CHRNA1: variants seen among roughly 807,000 people sequenced by gnomAD.
CHRNA1 encodes the protein acetylcholine receptor subunit alpha.
Under a neutral mutation model 47.1 loss-of-function variants are expected in CHRNA1, and 35 were observed. That is an observed-to-expected ratio of 0.74 (90% CI 0.57 to 0.99). The LOEUF (loss-of-function observed/expected upper bound fraction) is 0.99, where lower values mean the gene tolerates loss of function less well. Ranked by LOEUF, CHRNA1 falls within the 50% of genes least tolerant of loss-of-function variation. The pLI is 0.00. For missense variants in CHRNA1, 506 were observed against 591.1 expected (o/e 0.86, Z 1.49); for synonymous variants, 229 against 223.6 (o/e 1.02, Z -0.22).
chr2:174,748,013 A>G lies in CHRNA1; in HGVS notation c.*111T>C. 7.5e-7 allele frequency: 1 copy of G among 1,331,966 alleles called. No homozygotes were observed. Among genetic ancestry groups the G allele is most frequent in the South Asian group, 1.2e-5 (1 of 81,914 alleles). The allele number at this position is 1,331,966 out of a possible 1,614,324, so 82.5% of individuals were successfully genotyped here. On this transcript the variant is annotated 3_prime_UTR_variant, in exon 9 of 9. Coordinates refer to ENST00000348749, the MANE Select transcript of CHRNA1 (RefSeq NM_000079.4). ...ATCTTATCATCAATAATAAGTATGGAATATAACACGTTTGATAAGTGCGAG... is the reference window on the plus strand; with the variant it reads ...ATCTTATCATCAATAATAAGTATGGGATATAACACGTTTGATAAGTGCGAG...
chr2:174,764,290 G>A (rs990589059), intron 1 of CHRNA1, 62 bp downstream of exon 1: 55 of 1,548,976 alleles, frequency 3.6e-5, no homozygotes, highest in Non-Finnish European at 4.8e-5. Context: ...TTTGATTTGG[G>A]GGCCTCCAGC....
chr2:174,749,818 TC>T (rs1683810177), intron 7 of CHRNA1, 127 bp downstream of exon 7: 1 of 807,210 alleles, frequency 1.2e-6, no homozygotes, highest in Admixed American at 2.2e-5. Flanking sequence ...TTCCAAAAAT[TC>T]CCTAAAGCCC....
intron 1 of CHRNA1, among the ~76,000 whole-genome samples, chr2:174,762,091 C>G (rs963825167): frequency 6.6e-6 from 1 of 152,186 alleles, no homozygotes; most frequent in Non-Finnish European, 1.5e-5. Flanking sequence ...ATTTCAGAGA[C>G]AGTCACCTCC....
In CHRNA1 at chr2:174,748,314, G is replaced by A. The variant is rs150587314; in HGVS notation, c.1243-59C>T. The A allele has an allele frequency of 2.5e-4, 395 of 1,609,992 alleles. 1 individual carries two copies. The highest frequency in any genetic ancestry group is 1.7e-4 in the Admixed American group (10 of 59,906). Reference sequence around the variant, plus strand: ...CTAAGGTGGTTTCTGGACTCACAACGTTTGTGCTTTGCATCAACTATGGGC... The same window carrying A: ...CTAAGGTGGTTTCTGGACTCACAACATTTGTGCTTTGCATCAACTATGGGC... On this transcript the variant is annotated intron_variant, in intron 8 of 8. Transcript: ENST00000348749.
At position 174,757,639 on chromosome 2, in the gene CHRNA1, C is replaced by T. The variant is rs1684008469; in HGVS notation, c.271G>A (p.Asp91Asn). 5 of 1,614,162 alleles carry T rather than the reference C, an allele frequency of 3.1e-6. No individual in the cohort carries two copies. The highest frequency in any genetic ancestry group is 1.6e-4 in the Middle Eastern group (1 of 6,062). Residue 91 changes from aspartate (D) to asparagine (N), a missense_variant, in exon 4 of 9, where the codon GAC becomes AAC. Physicochemically the swap from Asp to Asn is conservative, Grantham distance 23 (BLOSUM62 1). Coordinates refer to ENST00000348749, the MANE Select transcript of CHRNA1 (RefSeq NM_000079.4). ...TGAATTTTTTTCACACCGCCATAGTCATCTGGATTCCATTTTAGGTTGTAA... is the reference window on the plus strand; with the variant it reads ...TGAATTTTTTTCACACCGCCATAGTTATCTGGATTCCATTTTAGGTTGTAA... ...VDYNLKWNPDDYGGVKKIHIP... is the reference protein window; with the variant it reads ...VDYNLKWNPDNYGGVKKIHIP...
intron 1 of CHRNA1, 32 bp downstream of exon 1, chr2:174,764,320 G>A (rs776121177): frequency 3.7e-6 from 6 of 1,608,222 alleles, no homozygotes; most frequent in Non-Finnish European, 5.1e-6. Context: ...TCAAAGGAGA[G>A]CCCTCTCCCC....
intron 1 of CHRNA1, 80 bp from the exon 2 acceptor site, chr2:174,759,713 TGAGGCATAA>T: frequency 1.9e-6 from 3 of 1,578,016 alleles, no homozygotes; most frequent in South Asian, 1.1e-5. Flanking sequence ...ACTGAGGAAC[TGAGGCATAA>T]GCCTCAGTTC....
intron 4 of CHRNA1, among the ~76,000 whole-genome samples, chr2:174,756,160 A>T (rs566927409): frequency 1.4e-4 from 22 of 152,338 alleles, no homozygotes; most frequent in Non-Finnish European, 2.8e-4. Flanking sequence ...TTTTAAAAAG[A>T]CAGAAACCAT....
Position 174,764,462 on chromosome 2 carries a change from G to A in CHRNA1, c.-68C>T, listed in dbSNP as rs1223561340. 6.5e-6 allele frequency: 10 copies of A among 1,528,350 alleles called. No individual in the cohort carries two copies. Among genetic ancestry groups the A allele is most frequent in the Non-Finnish European group, 9.0e-6 (10 of 1,111,252 alleles). The allele number at this position is 1,528,350 out of a possible 1,614,324, so 94.7% of individuals were successfully genotyped here. A position where few individuals can be genotyped will look rare whatever the true frequency, so the allele number is the denominator to read the frequency against. On this transcript the variant is annotated 5_prime_UTR_variant, in exon 1 of 9. Transcript: ENST00000348749. ...GTGCTTCTCACTGGCACTCTGGCTG[G>A]GTGCTTGTCTGCTGGAGGGTTTGGA...
chr2:174,747,783 G>A lies in CHRNA1; in HGVS notation c.*341C>T, dbSNP rs1308051910. Reference sequence around the variant, plus strand: ...GTGGTCTCGTGGTTAGACAAAATAAGTAAATATATAAATATAACAGCAATG... The same window carrying A: ...GTGGTCTCGTGGTTAGACAAAATAAATAAATATATAAATATAACAGCAATG... On this transcript the variant is annotated 3_prime_UTR_variant, in exon 9 of 9. Coordinates refer to ENST00000348749, the MANE Select transcript of CHRNA1 (RefSeq NM_000079.4). 1.2e-5 allele frequency: 4 copies of A among 322,228 alleles called. No individual in the cohort carries two copies. Among genetic ancestry groups the A allele is most frequent in the Non-Finnish European group, 2.4e-5 (4 of 165,678 alleles). 20.0% of individuals were successfully genotyped at this position (322,228 alleles called of 1,614,324 possible).
At chr2:174,759,144 A>C (rs1300624675) in intron 3 of CHRNA1, among the ~76,000 whole-genome samples, 187 bp downstream of exon 3, 1 of 152,172 alleles carries the variant, frequency 6.6e-6, no homozygotes, top group Non-Finnish European at 1.5e-5. Flanking sequence ...ACACACACAG[A>C]AAAAGCCCTA....
rs546829012 is a variant in CHRNA1, at chr2:174,751,943, G to A, written c.778+1560C>T. 4.6e-5 allele frequency among the ~76,000 whole-genome samples: 7 copies of A among 152,184 alleles called. No homozygotes were observed. The South Asian group carries it at 1.0e-3, about 23-fold the overall frequency. ...GATCCATCCGCCTTGGCCTCCGAAAGTGCTGGGATTACAGGTGTGAGCCAC... is the reference window on the plus strand; with the variant it reads ...GATCCATCCGCCTTGGCCTCCGAAAATGCTGGGATTACAGGTGTGAGCCAC... On this transcript the variant is annotated intron_variant, in intron 6 of 8. Transcript: ENST00000348749.
At chr2:174,757,475 G>GTT (rs1684001674) in intron 4 of CHRNA1, 91 bp downstream of exon 4, 5 of 909,192 alleles carry the variant, frequency 5.5e-6, no homozygotes, top group Non-Finnish European at 9.0e-6. Flanking sequence ...TAGCAGTGGT[G>GTT]AGAAGCATTC....
chr2:174,754,457 T>C, intron 4 of CHRNA1, 43 bp from the exon 5 acceptor site: 2 of 1,557,004 alleles, frequency 1.3e-6, no homozygotes, highest in Non-Finnish European at 1.8e-6. Flanking sequence ...AAGTGACAGA[T>C]GAGCCTTCCA....
At chr2:174,752,639 C>T (rs960192600) in intron 6 of CHRNA1, 4 of 152,154 alleles carry the variant, frequency 2.6e-5, no homozygotes, top group Non-Finnish European at 5.9e-5. Flanking sequence ...GAGGCACTTT[C>T]TGTCTTATTC....
rs1302367097 is a variant in CHRNA1 at position 174,747,750 on chromosome 2, A to G, written c.*374T>C. ...ATACACTTCATTTAGAACATCAGCAACTCCCTAGTGGTCTCGTGGTTAGAC... is the reference window on the plus strand; with the variant it reads ...ATACACTTCATTTAGAACATCAGCAGCTCCCTAGTGGTCTCGTGGTTAGAC... On this transcript the variant is annotated 3_prime_UTR_variant, in exon 9 of 9. Transcript: ENST00000348749. 6 of 292,654 alleles carry G rather than the reference A, an allele frequency of 2.1e-5. No homozygotes were observed. The highest frequency in any genetic ancestry group is 3.3e-5 in the Non-Finnish European group (5 of 150,438). The allele number at this position is 292,654 out of a possible 1,614,324, so 18.1% of individuals were successfully genotyped here.
chr2:174,764,425 G>C lies in CHRNA1; in HGVS notation c.-31C>G, dbSNP rs1315312705. On this transcript the variant is annotated 5_prime_UTR_variant, in exon 1 of 9. Coordinates refer to ENST00000348749, the MANE Select transcript of CHRNA1 (RefSeq NM_000079.4). The stretch of plus-strand genomic sequence containing the variant: ...ACCGGAGCTTGTGTGGACCAGGGCA[G>C]AGTGGTGGCCTGTGCTTCTCACTGG... 1 of 1,608,218 alleles carries C rather than the reference G, an allele frequency of 6.2e-7. No homozygotes were observed. Among genetic ancestry groups the C allele is most frequent in the Non-Finnish European group, 8.5e-7 (1 of 1,176,826 alleles).
At chr2:174,751,709 C>T (rs1448094563) in intron 6 of CHRNA1, among the ~76,000 whole-genome samples, 1 of 147,402 alleles carries the variant, frequency 6.8e-6, no homozygotes, top group Non-Finnish European at 1.5e-5. Flanking sequence ...GAGGGAGTCT[C>T]ACTCTGTTGC....
chr2:174,757,826 A>G, intron 3 of CHRNA1, 151 bp from the exon 4 acceptor site: 1 of 955,952 alleles, frequency 1.0e-6, no homozygotes, highest in Non-Finnish European at 1.7e-6. Flanking sequence ...CTTTCACTTC[A>G]GTAAATAAGA....
Sources: allele counts gnomAD v4.1 joint callset (sites outside exome capture counted in the v4.1 genomes callset), GRCh38; gene constraint gnomAD v4.1.1; transcripts MANE v1.5; gene names NCBI Gene and HGNC (gene_info 2026-07-23, HGNC 2026-07-21).